PSEN1: variants seen among roughly 807,000 people sequenced by gnomAD.
PSEN1 encodes the protein presenilin 1.
A neutral mutation model predicts 53.5 loss-of-function variants in PSEN1; 15 were observed. The ratio of observed to expected loss-of-function variants is 0.28; its 90% CI spans 0.19 to 0.43. PSEN1 has a LOEUF of 0.43. Among genes scored for constraint, PSEN1 ranks in the 20% least tolerant of loss-of-function variants. PSEN1 has a pLI of 1.00. For synonymous variants in PSEN1, 208 were observed against 209.8 expected (o/e 0.99, Z 0.08); for missense variants, 387 against 571.2 (o/e 0.68, Z 3.29).
chr14:73,152,949 A>G (rs992051683), intron 3 of PSEN1, among the ~76,000 whole-genome samples: 1 of 152,166 alleles, frequency 6.6e-6, no homozygotes, highest in African/African-American at 2.4e-5. Flanking sequence ...AGGCTGAAGC[A>G]AGAGGATTGG....
intron 10 of PSEN1, among the ~76,000 whole-genome samples, chr14:73,213,298 A>T (rs1899776471): frequency 6.6e-6 from 1 of 152,120 alleles, no homozygotes; most frequent in Non-Finnish European, 1.5e-5. Context: ...AAATAACATA[A>T]TAGTTGTTGA....
intron 4 of PSEN1, among the ~76,000 whole-genome samples, 160 bp from the exon 5 acceptor site, chr14:73,173,406 C>G (rs1457325132): frequency 6.6e-6 from 1 of 151,994 alleles, no homozygotes; most frequent in Non-Finnish European, 1.5e-5. Flanking sequence ...AGCTGTTTTT[C>G]TCAGGTTAAA....
chr14:73,152,422 A>G (rs1475389078), intron 3 of PSEN1, among the ~76,000 whole-genome samples: 1 of 148,882 alleles, frequency 6.7e-6, no homozygotes, highest in Non-Finnish European at 1.5e-5. Flanking sequence ...CAACATGGTG[A>G]AACCCCATTT....
intron 8 of PSEN1, among the ~76,000 whole-genome samples, chr14:73,205,944 A>G (rs1411234117): frequency 6.6e-6 from 1 of 152,234 alleles, no homozygotes; most frequent in African/African-American, 2.4e-5. Flanking sequence ...GTTTAGCATT[A>G]TTGAACATTC....
intron 1 of PSEN1, among the ~76,000 whole-genome samples, chr14:73,140,140 C>T (rs549604209): frequency 6.6e-6 from 1 of 150,598 alleles, no homozygotes; most frequent in East Asian, 1.9e-4. Context: ...TATATAGGAC[C>T]ATAGTCTCAT....
intron 3 of PSEN1, among the ~76,000 whole-genome samples, chr14:73,150,631 T>TG (rs1243859931): frequency 2.0e-5 from 3 of 151,028 alleles, no homozygotes; most frequent in Non-Finnish European, 4.4e-5. Context: ...CCAGGCGTGA[T>TG]GGCAGGCACC....
At position 73,141,419 on chromosome 14, in the gene PSEN1, C is replaced by T. The variant is rs77586895; in HGVS notation, c.-136+4836C>T. 2.7e-3 allele frequency among the ~76,000 whole-genome samples: 415 copies of T among 152,248 alleles called. 3 individuals are homozygous for T. The East Asian group carries it at 0.053, about 20-fold the overall frequency. On this transcript the variant is annotated intron_variant, in intron 1 of 11. Transcript: ENST00000324501. ...ATAGGGCTGGAGAAATGATTTGCTC[C>T]TAGTCTCTTAAAAACCAGAGGAGTC...
In PSEN1 at chr14:73,141,035, G is replaced by C. The variant is rs144066042; in HGVS notation, c.-136+4452G>C. Among the ~76,000 whole-genome samples, 478 of 152,346 alleles carry C rather than the reference G, an allele frequency of 3.1e-3. 2 individuals are homozygous for C. The highest frequency in any genetic ancestry group is 8.7e-3 in the African/African-American group (362 of 41,584). On this transcript the variant is annotated intron_variant, in intron 1 of 11. Coordinates refer to ENST00000324501, the MANE Select transcript of PSEN1 (RefSeq NM_000021.4). ...CAAGGCACCAGCAGAAGTACAAGAA[G>C]TCAAGGCCAACTGCATAAGCATAGT...
Position 73,173,724 on chromosome 14 carries a change from G to C in PSEN1, c.480+17G>C. The C allele has an allele frequency of 1.2e-6, 2 of 1,613,762 alleles. No homozygotes were observed. Among genetic ancestry groups the C allele is most frequent in the Middle Eastern group, 1.6e-4 (1 of 6,062 alleles). On this transcript the variant is annotated intron_variant, in intron 5 of 11. Coordinates refer to ENST00000324501, the MANE Select transcript of PSEN1 (RefSeq NM_000021.4). ...TGCTATAAGGTGAGCATGAGACACAGATCTTTGCTTTCCACCCTGTTCTTC... is the reference window on the plus strand; with the variant it reads ...TGCTATAAGGTGAGCATGAGACACACATCTTTGCTTTCCACCCTGTTCTTC...
intron 1 of PSEN1, among the ~76,000 whole-genome samples, chr14:73,138,568 G>A (rs1180256518): frequency 6.6e-6 from 1 of 150,930 alleles, no homozygotes; most frequent in East Asian, 2.0e-4. Context: ...GCCCAGGCTG[G>A]TCTTGAACTC....
intron 3 of PSEN1, among the ~76,000 whole-genome samples, chr14:73,157,758 A>C (rs1897403505): frequency 6.6e-6 from 1 of 151,728 alleles, no homozygotes; most frequent in Admixed American, 6.6e-5. Context: ...TAATCCCAGC[A>C]CTTTGGGAGG....
intron 3 of PSEN1, among the ~76,000 whole-genome samples, chr14:73,165,779 C>T (rs1157211304): frequency 2.8e-5 from 4 of 141,922 alleles, no homozygotes; most frequent in Admixed American, 7.1e-5. Flanking sequence ...AGTGTGTGGC[C>T]GGGCGCGGTG....
chr14:73,150,497 C>G (rs990868662), intron 3 of PSEN1, among the ~76,000 whole-genome samples: 17 of 152,132 alleles, frequency 1.1e-4, no homozygotes, highest in Admixed American at 1.1e-3. Flanking sequence ...GGTGTGGTGG[C>G]TCACGCCTGT....
At chr14:73,172,002 G>A (rs1397581247) in intron 4 of PSEN1, among the ~76,000 whole-genome samples, 1 of 152,114 alleles carries the variant, frequency 6.6e-6, no homozygotes, top group Non-Finnish European at 1.5e-5. Flanking sequence ...TTTATTTAAT[G>A]CCTAATTTCC....
At chr14:73,202,418 CTATATATATATATATATATATA>C (rs1248311168) in intron 8 of PSEN1, among the ~76,000 whole-genome samples, 492 of 27,222 alleles carry the variant, frequency 0.018, 13 homozygotes, top group African/African-American at 0.018. Flanking sequence ...CTATCACATA[CTATATATATATATATATATATA>C]TATATATATA....
chr14:73,200,254 T>A (rs1899123041), intron 8 of PSEN1, among the ~76,000 whole-genome samples: 1 of 152,222 alleles, frequency 6.6e-6, no homozygotes, highest in Non-Finnish European at 1.5e-5. Context: ...ATAATCTTTT[T>A]CATATTTGTG....
intron 5 of PSEN1, among the ~76,000 whole-genome samples, chr14:73,176,839 G>C (rs1316118235): frequency 6.6e-6 from 1 of 152,174 alleles, no homozygotes; most frequent in Admixed American, 6.5e-5. Flanking sequence ...ATGGACATTT[G>C]AGTCCAGAGT....
chr14:73,195,560 C>T (rs577618419), intron 7 of PSEN1, among the ~76,000 whole-genome samples: 1 of 152,192 alleles, frequency 6.6e-6, no homozygotes, highest in Non-Finnish European at 1.5e-5. Flanking sequence ...CCATTTAATA[C>T]AATAATACAC....
chr14:73,209,506 A>C (rs1408840192), intron 9 of PSEN1, among the ~76,000 whole-genome samples: 2 of 152,232 alleles, frequency 1.3e-5, no homozygotes, highest in African/African-American at 4.8e-5. Flanking sequence ...CATTTTACAG[A>C]TGTTGACTGA....
Sources: gnomAD v4.1 joint callset for allele counts (sites outside exome capture counted in the v4.1 genomes callset) on GRCh38, gnomAD v4.1.1 for gene constraint, MANE v1.5 for transcripts, NCBI Gene and HGNC (gene_info 2026-07-23, HGNC 2026-07-21) for gene names.